Variants in TDG observed in about 807,000 individuals in gnomAD.
TDG encodes the protein thymine DNA glycosylase.
TDG carries 23 observed loss-of-function variants against 46.1 expected under a neutral mutation model. The observed-to-expected ratio is 0.50, with a 90% CI of 0.36 to 0.71. TDG has a LOEUF of 0.71. Ranked by LOEUF, TDG falls within the 30% of genes least tolerant of loss-of-function variation. The probability of loss-of-function intolerance (pLI) is 0.00; values close to 1 mark genes in which losing one functional copy is unlikely to be tolerated. For synonymous variants in TDG, 115 were observed against 161.3 expected (o/e 0.71, Z 2.18); for missense variants, 304 against 486.7 (o/e 0.62, Z 3.53).
At position 103,973,294 on chromosome 12, in the gene TDG, G is replaced by A. The variant is rs145874115; in HGVS notation, c.24-3624G>A. On this transcript the variant is annotated intron_variant, in intron 1 of 9. Transcript: ENST00000392872. ...GAGACAGGGTTTCTGCATGTTGGTC[G>A]GGCTGGTCTTGAACTCCTGACCTCA... 6.6e-4 allele frequency among the ~76,000 whole-genome samples: 100 copies of A among 151,960 alleles called. 2 individuals carry two copies. The East Asian group carries it at 0.017, about 26-fold the overall frequency.
chr12:103,976,546 C>G (rs1301086280), intron 1 of TDG, among the ~76,000 whole-genome samples: 1 of 152,094 alleles, frequency 6.6e-6, no homozygotes, highest in African/African-American at 2.4e-5. Flanking sequence ...AGTAGGGGCA[C>G]AAATTGTATT....
chr12:103,985,166 T>TACATACACACACACACACACACAC (rs1555275231), intron 8 of TDG, among the ~76,000 whole-genome samples: 1 of 138,502 alleles, frequency 7.2e-6, no homozygotes, highest in Non-Finnish European at 1.6e-5. Flanking sequence ...TATAGACACA[T>TACATACACACACACACACACACAC]ACACACACAC....
In TDG at chr12:103,985,598, C is replaced by T. The variant is rs1872105225; in HGVS notation, c.965-5C>T. ...AGATTTAAATCCTTTTTACCTTCCT[C>T]ACAGAGGATGCAAAGAAGATGGCTG... On this transcript the variant is annotated splice_polypyrimidine_tract_variant and splice_region_variant and intron_variant, in intron 8 of 9. Coordinates refer to ENST00000392872, the MANE Select transcript of TDG (RefSeq NM_003211.6). 1 of 1,612,252 alleles carries T rather than the reference C, an allele frequency of 6.2e-7. No individual in the cohort carries two copies. The highest frequency in any genetic ancestry group is 8.5e-7 in the Non-Finnish European group (1 of 1,178,960).
chr12:103,976,520 TTAAA>T (rs772990723), intron 1 of TDG, among the ~76,000 whole-genome samples: 1 of 151,972 alleles, frequency 6.6e-6, no homozygotes, highest in Non-Finnish European at 1.5e-5. Context: ...CTTCAGGTGA[TTAAA>T]TACTGAAGGA....
At chr12:103,982,591 A>T (rs1326170022) in intron 4 of TDG, among the ~76,000 whole-genome samples, 3 of 152,018 alleles carry the variant, frequency 2.0e-5, no homozygotes, top group African/African-American at 7.3e-5. Context: ...ACATGGTGAA[A>T]CCCTGTCTAC....
At chr12:103,966,214 T>G (rs4135041) in intron 1 of TDG, among the ~76,000 whole-genome samples, 154 bp downstream of exon 1, 4,055 of 152,302 alleles carry the variant, frequency 0.027, 67 homozygotes, top group Middle Eastern at 0.11. Flanking sequence ...CGGCCTTTCC[T>G]TCCCTGGCTG....
rs1295606065 is a variant in TDG, at chr12:103,965,915, C to T, written c.-123C>T. On this transcript the variant is annotated 5_prime_UTR_variant, in exon 1 of 10. Coordinates refer to ENST00000392872, the MANE Select transcript of TDG (RefSeq NM_003211.6). Reference sequence around the variant, plus strand: ...CTTGAGTCCAGCCACTGTCTGGGTACTGCCAGCCATCGGGCCCAGGTCTCT... The same window carrying T: ...CTTGAGTCCAGCCACTGTCTGGGTATTGCCAGCCATCGGGCCCAGGTCTCT... 1 of 1,436,968 alleles carries T rather than the reference C, an allele frequency of 7.0e-7. No homozygotes were observed. The highest frequency in any genetic ancestry group is 9.4e-7 in the Non-Finnish European group (1 of 1,066,070). 89.0% of individuals were successfully genotyped at this position (1,436,968 alleles called of 1,614,324 possible). A position where few individuals can be genotyped will look rare whatever the true frequency, so the allele number is the denominator to read the frequency against.
chr12:103,969,266 G>A (rs1871188805), intron 1 of TDG, among the ~76,000 whole-genome samples: 1 of 152,186 alleles, frequency 6.6e-6, no homozygotes, highest in Non-Finnish European at 1.5e-5. Flanking sequence ...CTAGTAAATG[G>A]GAGAGCTGAA....
At chr12:103,972,084 T>G (rs1871309237) in intron 1 of TDG, among the ~76,000 whole-genome samples, 2 of 152,140 alleles carry the variant, frequency 1.3e-5, no homozygotes, top group South Asian at 4.1e-4. Context: ...GCTTATACAT[T>G]TAGTTGTTAT....
intron 1 of TDG, among the ~76,000 whole-genome samples, chr12:103,974,982 AAAAAAAAAAAAG>A (rs1239164211): frequency 2.0e-5 from 3 of 149,148 alleles, no homozygotes; most frequent in African/African-American, 7.4e-5. Context: ...CTCAAAAAAA[AAAAAAAAAAAAG>A]AAAAAGAAAA....
At chr12:103,971,773 A>C (rs1201577872) in intron 1 of TDG, among the ~76,000 whole-genome samples, 1 of 152,210 alleles carries the variant, frequency 6.6e-6, no homozygotes, top group Non-Finnish European at 1.5e-5. Context: ...GTTTAACATC[A>C]GGAAGTTATA....
chr12:103,976,525 TACTG>T (rs1871551013), intron 1 of TDG, among the ~76,000 whole-genome samples: 1 of 152,014 alleles, frequency 6.6e-6, no homozygotes, highest in South Asian at 2.1e-4. Context: ...GGTGATTAAA[TACTG>T]AAGGAAAGTA....
At position 103,980,174 on chromosome 12, in the gene TDG, C is replaced by A. The variant is rs753870175; in HGVS notation, c.408+102C>A. 2.6e-5 allele frequency: 40 copies of A among 1,510,346 alleles called. No homozygotes were observed. In the African/African-American group the frequency reaches 4.6e-4, roughly 17 times the overall value. The allele number at this position is 1,510,346 out of a possible 1,614,324, so 93.6% of individuals were successfully genotyped here. ...AGCATTTTGCTGAAAAGGACCATTTCTAAGAATCCTTTTGGTGGTAAATGG... is the reference window on the plus strand; with the variant it reads ...AGCATTTTGCTGAAAAGGACCATTTATAAGAATCCTTTTGGTGGTAAATGG... On this transcript the variant is annotated intron_variant, in intron 3 of 9. Transcript: ENST00000392872.
intron 1 of TDG, chr12:103,967,757 G>C (rs566773689): frequency 6.7e-6 from 1 of 150,156 alleles, no homozygotes; most frequent in Non-Finnish European, 1.5e-5. Flanking sequence ...GGGCCCAGCC[G>C]ACTTTTTTAG....
intron 8 of TDG, among the ~76,000 whole-genome samples, chr12:103,985,151 CTATA>C (rs767635759): frequency 1.3e-4 from 14 of 105,358 alleles, no homozygotes; most frequent in Admixed American, 3.1e-4. Context: ...ATGTGTGTGT[CTATA>C]TATAGACACA....
chr12:103,966,360 T>A (rs1026744821), intron 1 of TDG, among the ~76,000 whole-genome samples: 1 of 152,236 alleles, frequency 6.6e-6, no homozygotes, highest in African/African-American at 2.4e-5. Flanking sequence ...AATGTGTCTT[T>A]CTGGATGCCA....
intron 1 of TDG, among the ~76,000 whole-genome samples, chr12:103,972,699 T>A (rs2583269): frequency 0.99 from 151,268 of 152,344 alleles, 75,101 homozygotes; most frequent in Middle Eastern, 1. Context: ...TAAGGGATAT[T>A]TCATTATTAT....
At chr12:103,977,108 C>T (rs1365992905) in intron 2 of TDG, 48 bp downstream of exon 2, 3 of 1,568,730 alleles carry the variant, frequency 1.9e-6, no homozygotes, top group Admixed American at 2.1e-5. Flanking sequence ...GATCAGCCAG[C>T]TTATTTGAGA....
At chr12:103,968,558 T>C (rs1243862021) in intron 1 of TDG, among the ~76,000 whole-genome samples, 1 of 152,224 alleles carries the variant, frequency 6.6e-6, no homozygotes, top group Non-Finnish European at 1.5e-5. Context: ...TGACTGGAAA[T>C]GGCAGAATGA....
Sources: allele counts gnomAD v4.1 joint callset (sites outside exome capture counted in the v4.1 genomes callset), GRCh38; gene constraint gnomAD v4.1.1; transcripts MANE v1.5; gene names NCBI Gene and HGNC (gene_info 2026-07-23, HGNC 2026-07-21).